IGLL5: variants seen among roughly 807,000 people sequenced by gnomAD.
IGLL5 encodes the protein immunoglobulin lambda-like polypeptide 5.
A neutral mutation model predicts 20.9 loss-of-function variants in IGLL5; 30 were observed. That is an observed-to-expected ratio of 1.44 (90% confidence interval 1.07 to 1.95). The LOEUF (loss-of-function observed/expected upper bound fraction) is 1.95. Ranked by LOEUF, IGLL5 falls within the 30% of genes most tolerant of loss-of-function variation. The pLI, the probability that IGLL5 is intolerant of heterozygous loss-of-function variation, is 0.00. For missense variants in IGLL5, 475 were observed against 270.7 expected (o/e 1.75, Z -5.30); for synonymous variants, 203 against 117.3 (o/e 1.73, Z -4.72).
chr22:22,889,024 T>G (rs73164949), intron 1 of IGLL5, among the ~76,000 whole-genome samples: 8 of 151,134 alleles, frequency 5.3e-5, no homozygotes, highest in South Asian at 2.1e-4. Context: ...AAGAAGACCA[T>G]AGGGTCCGTG....
chr22:22,889,269 CTATGAAAT>C (rs2067702555), intron 1 of IGLL5, among the ~76,000 whole-genome samples: 1 of 150,902 alleles, frequency 6.6e-6, no homozygotes, highest in African/African-American at 2.4e-5. Context: ...GCCCAGTTTC[CTATGAAAT>C]GGGAGCATGA....
chr22:22,889,474 C>T (rs181994828), intron 1 of IGLL5, among the ~76,000 whole-genome samples: 5 of 151,178 alleles, frequency 3.3e-5, no homozygotes, highest in East Asian at 4.0e-4. Context: ...AAAGCTGTAA[C>T]CAAATCTTTA....
intron 1 of IGLL5, among the ~76,000 whole-genome samples, chr22:22,890,218 T>G (rs967812194): frequency 6.7e-6 from 1 of 149,894 alleles, no homozygotes; most frequent in Non-Finnish European, 1.5e-5. Flanking sequence ...CAAGTGCTTC[T>G]GCTTACCATC....
At position 22,893,697 on chromosome 22, in the gene IGLL5, C is replaced by T. The variant is rs1356401363; in HGVS notation, c.207-3C>T. The T allele has an allele frequency of 1.9e-6, 3 of 1,597,108 alleles. No homozygotes were observed. The highest frequency in any genetic ancestry group is 4.5e-5 in the East Asian group (2 of 44,284). The stretch of plus-strand genomic sequence containing the variant: ...GCAACCCTGTGCCCGTCATGCCCAG[C>T]AGGCTCCTGCTCCAGCCCAGCCCCC... On this transcript the variant is annotated splice_region_variant and splice_polypyrimidine_tract_variant and intron_variant, in intron 1 of 2. Transcript: ENST00000526893.
chr22:22,893,426 G>A (rs928517944), intron 1 of IGLL5, among the ~76,000 whole-genome samples: 4 of 151,090 alleles, frequency 2.6e-5, no homozygotes, highest in African/African-American at 9.7e-5. Flanking sequence ...AGGTTGGACA[G>A]GTCCAAGCCA....
intron 1 of IGLL5, among the ~76,000 whole-genome samples, chr22:22,890,424 T>C (rs2067798357): frequency 6.6e-6 from 1 of 150,526 alleles, no homozygotes; most frequent in African/African-American, 2.4e-5. Flanking sequence ...TATTGACACT[T>C]TCTGTATCAG....
chr22:22,895,792 C>A lies in IGLL5; in HGVS notation c.*98C>A, dbSNP rs529099131. 7 of 1,108,378 alleles carry A rather than the reference C, an allele frequency of 6.3e-6. No individual in the cohort carries two copies. Among genetic ancestry groups the A allele is most frequent in the South Asian group, 6.3e-5 (5 of 79,600 alleles). The allele number at this position is 1,108,378 out of a possible 1,614,324, so 68.7% of individuals were successfully genotyped here. On this transcript the variant is annotated 3_prime_UTR_variant, in exon 3 of 3. Coordinates refer to ENST00000526893, the MANE Select transcript of IGLL5 (RefSeq NM_001178126.2). ...CCAAGTCATCCAGCCCTTCTCCCTG[C>A]ACTCATGAAACCCCAATAAATATCC...
rs1418488116 is a variant in IGLL5 at position 22,895,398 on chromosome 22, G to C, written c.349G>C (p.Val117Leu). 1 of 1,612,886 alleles carries C rather than the reference G, an allele frequency of 6.2e-7. No homozygotes were observed. The highest frequency in any genetic ancestry group is 8.5e-7 in the Non-Finnish European group (1 of 1,179,522). The change falls in exon 3 of 3, where the codon GTC (valine) becomes CTC (leucine). Residue 117 changes from valine (V) to leucine (L), a missense_variant. Physicochemically the swap from Val to Leu is conservative, Grantham distance 32. Coordinates refer to ENST00000526893, the MANE Select transcript of IGLL5 (RefSeq NM_001178126.2). ...AGGTCAGCCCAAGGCCAACCCCACT[G>C]TCACTCTGTTCCCGCCCTCCTCTGA... ...VLGQPKANPT[V>L]TLFPPSSEEL...
In IGLL5 at chr22:22,888,316, G is replaced by A. The variant is rs547579425; in HGVS notation, c.206+57G>A. ...GGTCCTGCAGCAGAGCTGGGAAAGG[G>A]TGACCAAGGGGAGACAAGCCAGAGG... On this transcript the variant is annotated intron_variant, in intron 1 of 2. Coordinates refer to ENST00000526893, the MANE Select transcript of IGLL5 (RefSeq NM_001178126.2). 10 of 1,502,550 alleles carry A rather than the reference G, an allele frequency of 6.7e-6. 1 individual carries two copies. Among genetic ancestry groups the A allele is most frequent in the African/African-American group, 4.2e-5 (3 of 71,784 alleles). The allele number at this position is 1,502,550 out of a possible 1,614,324, so 93.1% of individuals were successfully genotyped here. A position where few individuals can be genotyped will look rare whatever the true frequency, so the allele number is the denominator to read the frequency against.
At chr22:22,889,706 G>T (rs1201101682) in intron 1 of IGLL5, among the ~76,000 whole-genome samples, 3 of 151,198 alleles carry the variant, frequency 2.0e-5, no homozygotes, top group Non-Finnish European at 2.9e-5. Context: ...TCCAGCCTCA[G>T]CCTCCTGAGT....
chr22:22,893,981 C>A (rs964463714), intron 2 of IGLL5, among the ~76,000 whole-genome samples, 163 bp downstream of exon 2: 2 of 151,112 alleles, frequency 1.3e-5, no homozygotes, highest in East Asian at 2.0e-4. Flanking sequence ...CTCCGGGTAA[C>A]CGGCAGGAAG....
At chr22:22,889,049 C>G (rs565083503) in intron 1 of IGLL5, among the ~76,000 whole-genome samples, 1 of 151,358 alleles carries the variant, frequency 6.6e-6, no homozygotes, top group Middle Eastern at 3.7e-3. Flanking sequence ...ATTCCCAGTC[C>G]AGGACGAGTC....
At chr22:22,889,040 T>A (rs555158768) in intron 1 of IGLL5, among the ~76,000 whole-genome samples, 6 of 151,272 alleles carry the variant, frequency 4.0e-5, no homozygotes, top group South Asian at 2.1e-4. Context: ...CCGTGCACCA[T>A]TCCCAGTCCA....
At chr22:22,894,727 G>C (rs1370333604) in intron 2 of IGLL5, among the ~76,000 whole-genome samples, 4 of 151,402 alleles carry the variant, frequency 2.6e-5, no homozygotes, top group East Asian at 2.0e-4. Context: ...CCCAGGAACA[G>C]CTGAGGTGAA....
intron 2 of IGLL5, among the ~76,000 whole-genome samples, chr22:22,894,326 A>G (rs2068016831): frequency 2.6e-5 from 4 of 151,264 alleles, no homozygotes; most frequent in Middle Eastern, 3.7e-3. Context: ...CCAAGGGGAG[A>G]CCAATGGAGG....
intron 1 of IGLL5, among the ~76,000 whole-genome samples, chr22:22,891,939 A>G (rs1324888121): frequency 2.6e-5 from 4 of 151,198 alleles, no homozygotes; most frequent in East Asian, 2.0e-4. Flanking sequence ...TTAGTTAACT[A>G]TCACACCATT....
In IGLL5 at chr22:22,889,598, T is replaced by G. The variant is rs2067737057; in HGVS notation, c.206+1339T>G. Among the ~76,000 whole-genome samples the G allele has an allele frequency of 3.3e-5, 5 of 151,274 alleles. 1 individual carries two copies. The highest frequency in any genetic ancestry group is 2.0e-4 in the East Asian group (1 of 4,934). ...AATTGTATTTGGGGGACTGTTGTTG[T>G]TTTTGTTTTGAAACAGTCTTGATCT... On this transcript the variant is annotated intron_variant, in intron 1 of 2. Coordinates refer to ENST00000526893, the MANE Select transcript of IGLL5 (RefSeq NM_001178126.2).
chr22:22,891,103 C>T (rs1381095376), intron 1 of IGLL5, among the ~76,000 whole-genome samples: 3 of 151,112 alleles, frequency 2.0e-5, no homozygotes, highest in South Asian at 2.1e-4. Flanking sequence ...TTTTATGTGT[C>T]GAACTGGTTT....
intron 1 of IGLL5, 111 bp from the exon 2 acceptor site, chr22:22,893,589 C>T (rs1279339039): frequency 3.1e-6 from 2 of 648,524 alleles, no homozygotes; most frequent in Non-Finnish European, 5.4e-6. Context: ...TGGCACTTGC[C>T]TTGGACAGCA....
Sources: allele counts gnomAD v4.1 joint callset (sites outside exome capture counted in the v4.1 genomes callset), GRCh38; gene constraint gnomAD v4.1.1; transcripts MANE v1.5; gene names NCBI Gene and HGNC (gene_info 2026-07-23, HGNC 2026-07-21).